CUL5: variants seen among roughly 807,000 people sequenced by gnomAD.
CUL5 encodes cullin-5.
In CUL5, 26 loss-of-function variants were observed where a neutral mutation model predicts 108.8. That is an observed-to-expected ratio of 0.24 (90% CI 0.18 to 0.33). The LOEUF (loss-of-function observed/expected upper bound fraction) is 0.33, where lower values mean the gene tolerates loss of function less well. CUL5 is among the 10% of genes least tolerant of loss of function. The pLI, the probability that CUL5 is intolerant of heterozygous loss-of-function variation, is 1.00. For synonymous variants in CUL5, 334 were observed against 298.0 expected (o/e 1.12, Z -1.25); for missense variants, 524 against 909.2 (o/e 0.58, Z 5.45).
intron 3 of CUL5, among the ~76,000 whole-genome samples, chr11:108,048,443 T>TA (rs1203645970): frequency 6.6e-6 from 1 of 152,102 alleles, no homozygotes; most frequent in Admixed American, 6.6e-5. Context: ...TTAAAACTCA[T>TA]ATATGGTTTT....
At chr11:108,015,212 A>T (rs1419480000) in intron 1 of CUL5, among the ~76,000 whole-genome samples, 2 of 152,164 alleles carry the variant, frequency 1.3e-5, no homozygotes, top group East Asian at 3.9e-4. Flanking sequence ...TTTTGATAAG[A>T]TAGTGAGGGA....
At position 108,014,850 on chromosome 11, in the gene CUL5, A is replaced by G. The variant is rs112752100; in HGVS notation, c.24+5478A>G. Among the ~76,000 whole-genome samples, 1,305 of 152,300 alleles carry G rather than the reference A, an allele frequency of 8.6e-3. 15 individuals are homozygous for G. The highest frequency in any genetic ancestry group is 0.03 in the African/African-American group (1,236 of 41,572). On this transcript the variant is annotated intron_variant, in intron 1 of 18. Coordinates refer to ENST00000393094, the MANE Select transcript of CUL5 (RefSeq NM_003478.6). ...AGTTGTGATAGGTACTATGAATAAA[A>G]ACAACCAGGGTAAAAGAGAGAGTGC...
intron 10 of CUL5, among the ~76,000 whole-genome samples, chr11:108,075,989 A>G (rs764103646): frequency 6.6e-6 from 1 of 152,128 alleles, no homozygotes; most frequent in Non-Finnish European, 1.5e-5. Flanking sequence ...TCTACTTAGC[A>G]TGAATCCAAT....
At chr11:108,018,765 G>C (rs1862262977) in intron 1 of CUL5, among the ~76,000 whole-genome samples, 1 of 152,100 alleles carries the variant, frequency 6.6e-6, no homozygotes, top group Non-Finnish European at 1.5e-5. Flanking sequence ...CACTTTTGTT[G>C]AGATAAGAAA....
rs116648073 is a variant in CUL5 at position 108,040,088 on chromosome 11, T to C, written c.134+6177T>C. On this transcript the variant is annotated intron_variant, in intron 2 of 18. Coordinates refer to ENST00000393094, the MANE Select transcript of CUL5 (RefSeq NM_003478.6). ...GCTTCTGTCTGCCTCCTTAAGACTTTTGAGAAGCTTCTATTTCCTCCCTCT... is the reference window on the plus strand; with the variant it reads ...GCTTCTGTCTGCCTCCTTAAGACTTCTGAGAAGCTTCTATTTCCTCCCTCT... 5.9e-3 allele frequency among the ~76,000 whole-genome samples: 897 copies of C among 152,362 alleles called. 7 individuals are homozygous for C. The highest frequency in any genetic ancestry group is 0.02 in the African/African-American group (844 of 41,584).
At chr11:108,082,041 A>G (rs1864100406) in intron 11 of CUL5, among the ~76,000 whole-genome samples, 1 of 152,166 alleles carries the variant, frequency 6.6e-6, no homozygotes, top group Non-Finnish European at 1.5e-5. Flanking sequence ...AATTGTATTA[A>G]TGTTATGTCT....
rs1863164055 is a variant in CUL5, at chr11:108,049,784, T to C, written c.235-106T>C. 6.3e-5 allele frequency: 55 copies of C among 868,590 alleles called. No individual in the cohort carries two copies. In the South Asian group the frequency reaches 9.0e-4, roughly 14 times the overall value. The allele number at this position is 868,590 out of a possible 1,614,324, so 53.8% of individuals were successfully genotyped here. On this transcript the variant is annotated intron_variant, in intron 3 of 18. Coordinates refer to ENST00000393094, the MANE Select transcript of CUL5 (RefSeq NM_003478.6). ...AATTTCTTTTGGATATAAGAGCTTG[T>C]ACAATAATTTAAAAATTATGTACAA...
chr11:108,023,427 T>G (rs1862376153), intron 1 of CUL5, among the ~76,000 whole-genome samples: 2 of 152,238 alleles, frequency 1.3e-5, no homozygotes, highest in Non-Finnish European at 2.9e-5. Flanking sequence ...AGATTTCTAC[T>G]TGTATTAATA....
intron 11 of CUL5, among the ~76,000 whole-genome samples, chr11:108,082,088 T>C (rs906208717): frequency 6.6e-6 from 1 of 152,202 alleles, no homozygotes; most frequent in Non-Finnish European, 1.5e-5. Flanking sequence ...TTATTTGTTT[T>C]TTGTTTTTCT....
At position 108,022,641 on chromosome 11, in the gene CUL5, C is replaced by T. The variant is rs186123705; in HGVS notation, c.25-11161C>T. Among the ~76,000 whole-genome samples the T allele has an allele frequency of 2.6e-5, 4 of 152,270 alleles. No individual in the cohort carries two copies. The East Asian group carries it at 7.7e-4, about 29-fold the overall frequency. On this transcript the variant is annotated intron_variant, in intron 1 of 18. Coordinates refer to ENST00000393094, the MANE Select transcript of CUL5 (RefSeq NM_003478.6). ...TAAGCCAATTAACACAGGACCCAAA[C>T]GCATTTTTAAAAATTAAGTTATTCT...
rs117886794 is a variant in CUL5 at position 108,096,375 on chromosome 11, C to A, written c.1905+684C>A. On this transcript the variant is annotated intron_variant, in intron 16 of 18. Coordinates refer to ENST00000393094, the MANE Select transcript of CUL5 (RefSeq NM_003478.6). ...ATTAGCCAGCTTGGTGGCTGTATCC[C>A]CAGCTACTTGGAAGGCTGAGGTGGG... is the stretch of plus-strand genomic sequence containing the variant. Among the ~76,000 whole-genome samples, 926 of 151,216 alleles carry A rather than the reference C, an allele frequency of 6.1e-3. 3 individuals carry two copies. The highest frequency in any genetic ancestry group is 9.8e-3 in the Non-Finnish European group (664 of 67,828).
At chr11:108,088,193 G>A (rs1864268243) in intron 11 of CUL5, among the ~76,000 whole-genome samples, 1 of 152,016 alleles carries the variant, frequency 6.6e-6, no homozygotes, top group African/African-American at 2.4e-5. Flanking sequence ...GAATTTAACA[G>A]TTTTTCTAAA....
In CUL5 at chr11:108,088,718, G is replaced by C. The variant is rs1373724731; in HGVS notation, c.1311+59G>C. On this transcript the variant is annotated intron_variant, in intron 12 of 18. Coordinates refer to ENST00000393094, the MANE Select transcript of CUL5 (RefSeq NM_003478.6). ...TTACCTTACTTTGAATTTGTGTTTT[G>C]CTTATAGGACTTTCTGTGATAGTAT... 4.4e-6 allele frequency: 6 copies of C among 1,354,588 alleles called. No individual in the cohort carries two copies. In the African/African-American group the frequency reaches 6.0e-5, roughly 13 times the overall value. The allele number at this position is 1,354,588 out of a possible 1,614,324, so 83.9% of individuals were successfully genotyped here.
intron 3 of CUL5, among the ~76,000 whole-genome samples, chr11:108,048,818 C>T (rs1487445334): frequency 1.3e-5 from 2 of 151,850 alleles, no homozygotes; most frequent in Admixed American, 6.6e-5. Context: ...AGGCGCATGC[C>T]ACCATGCCTG....
At chr11:108,095,443 C>A (rs1004706896) in intron 15 of CUL5, 87 bp from the exon 16 acceptor site, 1 of 952,782 alleles carries the variant, frequency 1.0e-6, no homozygotes, top group Non-Finnish European at 1.5e-6. Context: ...AAGACAGCAA[C>A]CTTTTTCATA....
chr11:108,062,356 C>T (rs1863558567), intron 7 of CUL5, among the ~76,000 whole-genome samples: 1 of 152,018 alleles, frequency 6.6e-6, no homozygotes, highest in South Asian at 2.1e-4. Context: ...AAATACCAAA[C>T]TGACTTTCAG....
chr11:108,083,267 A>T (rs1004469561), intron 11 of CUL5, among the ~76,000 whole-genome samples: 12 of 152,002 alleles, frequency 7.9e-5, no homozygotes, highest in Non-Finnish European at 1.5e-4. Flanking sequence ...GCAGTTTGGC[A>T]CTCTGTCTGG....
chr11:108,067,193 T>C (rs1253544525), intron 7 of CUL5, among the ~76,000 whole-genome samples: 1 of 152,244 alleles, frequency 6.6e-6, no homozygotes, highest in African/African-American at 2.4e-5. Flanking sequence ...GAGATCTATA[T>C]GTAAAGCATT....
chr11:108,058,783 T>C (rs562263058), intron 7 of CUL5, among the ~76,000 whole-genome samples: 21 of 152,224 alleles, frequency 1.4e-4, no homozygotes, highest in Admixed American at 3.3e-4. Context: ...TTTTTACTTA[T>C]AGGAGAGCCA....
Sources: gnomAD v4.1 joint callset for allele counts (sites outside exome capture counted in the v4.1 genomes callset) on GRCh38, gnomAD v4.1.1 for gene constraint, MANE v1.5 for transcripts, NCBI Gene and HGNC (gene_info 2026-07-23, HGNC 2026-07-21) for gene names.